Variants in WDR59 observed in about 807,000 individuals in gnomAD.
WDR59 encodes GATOR2 complex protein WDR59.
In WDR59, 100 loss-of-function variants were observed where a neutral mutation model predicts 131.2. That is an observed-to-expected ratio of 0.76 (90% CI 0.65 to 0.90). WDR59 has a LOEUF of 0.90. Ranked by LOEUF, WDR59 falls within the 40% of genes least tolerant of loss-of-function variation. WDR59 has a pLI of 0.00. For missense variants in WDR59, 1,203 were observed against 1,262.2 expected, an observed-to-expected ratio of 0.95 and a Z score of 0.71; for synonymous variants, 601 against 466.2, an observed-to-expected ratio of 1.29 and a Z score of -3.72.
intron 2 of WDR59, chr16:74,959,416 C>T (rs1025181033): frequency 2.4e-5 from 9 of 368,724 alleles, no homozygotes; most frequent in South Asian, 3.8e-5. Context: ...TAGCAGCCAA[C>T]GATCTCAGTC....
At chr16:74,881,896 A>T (rs1964506313) in intron 25 of WDR59, among the ~76,000 whole-genome samples, 1 of 151,152 alleles carries the variant, frequency 6.6e-6, no homozygotes, top group Admixed American at 6.6e-5. Flanking sequence ...AAGAAAAAAA[A>T]GAAAAAAAAA....
chr16:74,909,004 A>T (rs757558825), intron 16 of WDR59, 27 bp from the exon 17 acceptor site: 80 of 1,602,148 alleles, frequency 5.0e-5, no homozygotes, highest in Non-Finnish European at 6.8e-5. Context: ...CACATGAGCC[A>T]TCAGTGTCAA....
At chr16:74,926,531 T>C (rs1019042139) in intron 8 of WDR59, among the ~76,000 whole-genome samples, 4 of 152,212 alleles carry the variant, frequency 2.6e-5, no homozygotes, top group Non-Finnish European at 5.9e-5. Flanking sequence ...TAATGGCCTT[T>C]AATAATCATA....
intron 24 of WDR59, 94 bp from the exon 25 acceptor site, chr16:74,885,889 G>T: frequency 6.8e-7 from 1 of 1,463,296 alleles, no homozygotes; most frequent in Non-Finnish European, 9.2e-7. Flanking sequence ...TAAAGCAACA[G>T]TCCTGGCCAG....
At chr16:74,886,796 G>T (rs1204693699) in intron 23 of WDR59, among the ~76,000 whole-genome samples, 1 of 152,116 alleles carries the variant, frequency 6.6e-6, no homozygotes, top group East Asian at 1.9e-4. Context: ...ACTGGTGCGT[G>T]CCTGCAATCC....
chr16:74,936,950 G>C (rs145529578), intron 8 of WDR59, among the ~76,000 whole-genome samples: 24 of 152,270 alleles, frequency 1.6e-4, no homozygotes, highest in African/African-American at 5.5e-4. Flanking sequence ...CAAGACAGGA[G>C]TTAACTTTTA....
intron 8 of WDR59, among the ~76,000 whole-genome samples, chr16:74,927,252 C>T (rs2030906872): frequency 6.6e-6 from 1 of 152,076 alleles, no homozygotes; most frequent in Non-Finnish European, 1.5e-5. Flanking sequence ...ACTATGAAGA[C>T]TAATAATCAA....
intron 8 of WDR59, among the ~76,000 whole-genome samples, chr16:74,925,426 C>T (rs2030682015): frequency 6.6e-6 from 1 of 151,872 alleles, no homozygotes; most frequent in South Asian, 2.1e-4. Flanking sequence ...CACTTGTAGT[C>T]CCAGCTACTC....
chr16:74,885,931 C>A, intron 24 of WDR59, 136 bp from the exon 25 acceptor site: 1 of 1,080,540 alleles, frequency 9.3e-7, no homozygotes, highest in Non-Finnish European at 1.3e-6. Context: ...ACTCCCAGCA[C>A]TTTGGGAGGC....
intron 25 of WDR59, among the ~76,000 whole-genome samples, chr16:74,883,319 G>A (rs1476412546): frequency 6.6e-6 from 1 of 151,972 alleles, no homozygotes; most frequent in East Asian, 1.9e-4. Flanking sequence ...CACCGTACCC[G>A]GCCACACCCC....
chr16:74,921,602 A>C (rs1364102322), intron 10 of WDR59, among the ~76,000 whole-genome samples: 1 of 152,088 alleles, frequency 6.6e-6, no homozygotes, highest in East Asian at 1.9e-4. Context: ...TCATCAACAG[A>C]GTGGCAAGGG....
chr16:74,893,534 AT>A, intron 19 of WDR59, 144 bp downstream of exon 19: 1 of 852,668 alleles, frequency 1.2e-6, no homozygotes. Flanking sequence ...GTTTGTGGGA[AT>A]TTGTCCACAG....
rs1296791273 is a variant in WDR59 at position 74,874,072 on chromosome 16, T to A, written c.*137A>T. 2 of 687,282 alleles carry A rather than the reference T, an allele frequency of 2.9e-6. No homozygotes were observed. Among genetic ancestry groups the A allele is most frequent in the Non-Finnish European group, 4.8e-6 (2 of 413,270 alleles). 42.6% of individuals were successfully genotyped at this position (687,282 alleles called of 1,614,324 possible). ...GCAGAGGCCCACCAAGAGCTGATGC[T>A]GCGCAGTCCTTGGGGGATCATCCTC... On this transcript the variant is annotated 3_prime_UTR_variant, in exon 26 of 26. Coordinates refer to ENST00000262144, the MANE Select transcript of WDR59 (RefSeq NM_030581.4).
intron 25 of WDR59, among the ~76,000 whole-genome samples, chr16:74,879,312 A>G (rs1441631428): frequency 6.6e-6 from 1 of 152,094 alleles, no homozygotes; most frequent in Non-Finnish European, 1.5e-5. Flanking sequence ...AGCTGTGATC[A>G]TGCCTGTGCA....
At chr16:74,913,766 C>T (rs566778484) in intron 13 of WDR59, among the ~76,000 whole-genome samples, 232 of 152,126 alleles carry the variant, frequency 1.5e-3, no homozygotes, top group Non-Finnish European at 2.6e-3. Flanking sequence ...GGGATTGCCA[C>T]GGGCTGAGGG....
Position 74,942,815 on chromosome 16 carries a change from G to A in WDR59, c.457C>T (p.Gln153Ter). 6.2e-7 allele frequency: 1 copy of A among 1,613,362 alleles called. No individual in the cohort carries two copies. Among genetic ancestry groups the A allele is most frequent in the Non-Finnish European group, 8.5e-7 (1 of 1,179,762 alleles). Residue 153 changes from glutamine (Q) to a stop codon, truncating the protein, a stop_gained, in exon 7 of 26, where the codon CAG becomes TAG. Transcript: ENST00000262144. LOFTEE classifies it high-confidence loss of function. ...GCATTTTTTTTATTCCATTTGACCT[G>A]GGAGGCACCCGCTGCAAAGAAAAAT... is the stretch of plus-strand genomic sequence containing the variant. ...VALSAVAGAS[Q>*]VKWNKKNANC...
chr16:74,916,841 A>G (rs1966411820), intron 11 of WDR59, among the ~76,000 whole-genome samples: 1 of 137,960 alleles, frequency 7.2e-6, no homozygotes, highest in Non-Finnish European at 1.5e-5. Flanking sequence ...CCTGGGCAAC[A>G]GAGAGAGACT....
At chr16:74,964,471 T>C (rs1200540680) in intron 2 of WDR59, among the ~76,000 whole-genome samples, 1 of 151,940 alleles carries the variant, frequency 6.6e-6, no homozygotes, top group East Asian at 1.9e-4. Flanking sequence ...AAAAATGATA[T>C]AAATAATTTT....
chr16:74,936,963 T>G (rs557033740), intron 8 of WDR59, among the ~76,000 whole-genome samples: 2 of 152,344 alleles, frequency 1.3e-5, no homozygotes, highest in East Asian at 1.9e-4. Flanking sequence ...AACTTTTAAC[T>G]TAGTATATGA....
Sources: gnomAD v4.1 joint callset for allele counts (sites outside exome capture counted in the v4.1 genomes callset) on GRCh38, gnomAD v4.1.1 for gene constraint, MANE v1.5 for transcripts, NCBI Gene and HGNC (gene_info 2026-07-23, HGNC 2026-07-21) for gene names.